NBR1: variants seen among roughly 807,000 people sequenced by gnomAD.
The protein encoded by NBR1 is next to BRCA1 gene 1 protein.
A neutral mutation model predicts 115.5 loss-of-function variants in NBR1; 59 were observed. That is an observed-to-expected ratio of 0.51 (90% confidence interval 0.41 to 0.63). The LOEUF (loss-of-function observed/expected upper bound fraction) is 0.63, where lower values mean the gene tolerates loss of function less well. NBR1 is among the 30% of genes least tolerant of loss of function. The pLI is 0.00. For synonymous variants in NBR1, 373 were observed against 414.7 expected, an observed-to-expected ratio of 0.90 and a Z score of 1.22; for missense variants, 1,043 against 1,150.5, an observed-to-expected ratio of 0.91 and a Z score of 1.35.
chr17:43,196,927 T>C lies in NBR1; in HGVS notation c.1862-15T>C. 1 of 1,613,782 alleles carries C rather than the reference T, an allele frequency of 6.2e-7. No homozygotes were observed. The highest frequency in any genetic ancestry group is 8.5e-7 in the Non-Finnish European group (1 of 1,179,754). The stretch of plus-strand genomic sequence containing the variant: ...TTTAAACACCCAGTGCAGATAAGGT[T>C]CGTGTGTCTTTCAGATTCTATGGTG... On this transcript the variant is annotated splice_polypyrimidine_tract_variant and intron_variant, in intron 15 of 20. Coordinates refer to ENST00000590996, the MANE Select transcript of NBR1 (RefSeq NM_005899.5).
At chr17:43,172,064 A>T (rs2056387188) in intron 1 of NBR1, among the ~76,000 whole-genome samples, 1 of 152,194 alleles carries the variant, frequency 6.6e-6, no homozygotes, top group South Asian at 2.1e-4. Flanking sequence ...GCTGAAAAAA[A>T]AATCGACGTG....
chr17:43,193,979 C>T (rs932330595), intron 12 of NBR1, among the ~76,000 whole-genome samples: 10 of 152,168 alleles, frequency 6.6e-5, no homozygotes, highest in Admixed American at 4.6e-4. Context: ...ATCCATCTCT[C>T]CTGAAATACC....
At chr17:43,201,431 G>A (rs545993919) in intron 17 of NBR1, among the ~76,000 whole-genome samples, 12 of 152,302 alleles carry the variant, frequency 7.9e-5, no homozygotes, top group South Asian at 2.1e-4. Flanking sequence ...AGACATTTCC[G>A]TTTATTGACA....
intron 1 of NBR1, among the ~76,000 whole-genome samples, 160 bp from the exon 2 acceptor site, chr17:43,175,631 T>G (rs2271574): frequency 6.7e-6 from 1 of 149,934 alleles, no homozygotes; most frequent in Non-Finnish European, 1.5e-5. Context: ...ATGGTAAGTT[T>G]CGTAAGAACA....
chr17:43,200,669 G>C, intron 17 of NBR1, 61 bp downstream of exon 17: 1 of 1,455,826 alleles, frequency 6.9e-7, no homozygotes, highest in Admixed American at 2.2e-5. Flanking sequence ...GAGAGGAATC[G>C]ACCTGATCTC....
chr17:43,178,795 G>A (rs545226482), intron 3 of NBR1, among the ~76,000 whole-genome samples: 1 of 146,652 alleles, frequency 6.8e-6, no homozygotes, highest in South Asian at 2.2e-4. Context: ...TTTAAAGAGG[G>A]TCTCACTCTG....
chr17:43,202,539 AGAC>A, intron 18 of NBR1, 113 bp from the exon 19 acceptor site: 1 of 615,046 alleles, frequency 1.6e-6, no homozygotes, highest in Non-Finnish European at 2.7e-6. Context: ...AAAAAAAAAA[AGAC>A]TTCAAACACT....
At chr17:43,180,842 T>A (rs1443201161) in intron 5 of NBR1, 25 bp downstream of exon 5, 2 of 1,394,628 alleles carry the variant, frequency 1.4e-6, no homozygotes, top group South Asian at 1.5e-5. Flanking sequence ...ATCTCATTTT[T>A]AAATAATTTA....
chr17:43,204,923 C>G (rs1265142461), intron 20 of NBR1, among the ~76,000 whole-genome samples: 1 of 151,764 alleles, frequency 6.6e-6, no homozygotes, highest in Admixed American at 6.6e-5. Flanking sequence ...CCGTAGTGAG[C>G]CACAATGGAG....
rs1340652318 is a variant in NBR1, at chr17:43,197,120, C to T, written c.2026+14C>T. The stretch of plus-strand genomic sequence containing the variant: ...AGTCCTTGCAGAGTGAGTGTCCTTG[C>T]ATTTCCCCTACCTAGCAGGGTGGCA... On this transcript the variant is annotated intron_variant, in intron 16 of 20. Transcript: ENST00000590996. 7 of 1,612,640 alleles carry T rather than the reference C, an allele frequency of 4.3e-6. No individual in the cohort carries two copies. The highest frequency in any genetic ancestry group is 5.9e-6 in the Non-Finnish European group (7 of 1,179,232).
At chr17:43,189,990 G>C in intron 8 of NBR1, 188 bp downstream of exon 8, 1 of 597,542 alleles carries the variant, frequency 1.7e-6, no homozygotes, top group Non-Finnish European at 2.9e-6. Flanking sequence ...TCAGATTGTT[G>C]TGTTCAAATG....
intron 5 of NBR1, among the ~76,000 whole-genome samples, chr17:43,181,173 A>G (rs2056654511): frequency 6.6e-6 from 1 of 152,200 alleles, no homozygotes; most frequent in South Asian, 2.1e-4. Context: ...CGTCTGGCCT[A>G]AAATATTTAT....
intron 2 of NBR1, 136 bp from the exon 3 acceptor site, chr17:43,177,800 G>C: frequency 1.6e-6 from 1 of 623,764 alleles, no homozygotes; most frequent in Non-Finnish European, 2.4e-6. Flanking sequence ...TGGTACTCTG[G>C]GTGTGTTGCA....
rs1037475980 is a variant in NBR1, at chr17:43,209,557, G to C, written c.2728-344G>C. 4 of 1,533,714 alleles carry C rather than the reference G, an allele frequency of 2.6e-6. No individual in the cohort carries two copies. The East Asian group carries it at 9.8e-5, about 37-fold the overall frequency. The stretch of plus-strand genomic sequence containing the variant: ...ATCACAATTACACTTATGTTCACAG[G>C]GTCTCTGGGGCTTGCTGTCATTCCT... On this transcript the variant is annotated intron_variant, in intron 20 of 20. Transcript: ENST00000590996.
At chr17:43,188,350 C>G (rs1356459282) in intron 6 of NBR1, among the ~76,000 whole-genome samples, 1 of 152,040 alleles carries the variant, frequency 6.6e-6, no homozygotes, top group African/African-American at 2.4e-5. Flanking sequence ...CTTATAGATT[C>G]TGGATATTAG....
intron 20 of NBR1, among the ~76,000 whole-genome samples, chr17:43,208,207 A>G (rs1485804654): frequency 6.6e-6 from 1 of 152,216 alleles, no homozygotes; most frequent in Non-Finnish European, 1.5e-5. Context: ...GGCAGAAGCT[A>G]GGATACATAA....
rs765228853 is a variant in NBR1, at chr17:43,191,558, C to T, written c.1050C>T (p.Ser350=). The change falls in exon 10 of 21, where the codon AGC becomes AGT. Residue 350 remains serine (S), a synonymous_variant. Coordinates refer to ENST00000590996, the MANE Select transcript of NBR1 (RefSeq NM_005899.5). ...AGTCTCCTTTAGGCCGACCTGAGAG[C>T]TTGCTCCAGTCTAATACCCTGATGT... is the stretch of plus-strand genomic sequence containing the variant. ...SPKSPLGRPE[S]LLQSNTLMLP... 2 of 1,612,324 alleles carry T rather than the reference C, an allele frequency of 1.2e-6. No homozygotes were observed. Among genetic ancestry groups the T allele is most frequent in the Admixed American group, 1.7e-5 (1 of 59,752 alleles).
In NBR1 at chr17:43,193,134, A is replaced by C. The variant is rs2056986992; in HGVS notation, c.1114A>C (p.Ser372Arg). Residue 372 changes from serine to arginine, a missense_variant, in exon 11 of 21, where the codon AGT (serine) becomes CGT (arginine). By Grantham distance (110) the Ser-to-Arg change is moderately radical. Coordinates refer to ENST00000590996, the MANE Select transcript of NBR1 (RefSeq NM_005899.5). ...QPCTSVMPML[S>R]AAFVDENLPD... ...CTGTACCTCCGTTATGCCAATGCTC[A>C]GTGCAGCATTTGTGGATGAGAATTT... is the stretch of plus-strand genomic sequence containing the variant. 1 of 1,613,894 alleles carries C rather than the reference A, an allele frequency of 6.2e-7. No individual in the cohort carries two copies. Among genetic ancestry groups the C allele is most frequent in the African/African-American group, 1.3e-5 (1 of 74,914 alleles).
rs1017872489 is a variant in NBR1, at chr17:43,190,027, A to G, written c.695+225A>G. 5 of 561,494 alleles carry G rather than the reference A, an allele frequency of 8.9e-6. No homozygotes were observed. In the Admixed American group the frequency reaches 1.2e-4, roughly 14 times the overall value. 34.8% of individuals were successfully genotyped at this position (561,494 alleles called of 1,614,324 possible). On this transcript the variant is annotated intron_variant, in intron 8 of 20. Coordinates refer to ENST00000590996, the MANE Select transcript of NBR1 (RefSeq NM_005899.5). Reference sequence around the variant, plus strand: ...GCATTTGGATTAGCAAAGCCAGGCAAAATTATGTTCCCCTGAACGGACAAA... The same window carrying G: ...GCATTTGGATTAGCAAAGCCAGGCAGAATTATGTTCCCCTGAACGGACAAA...
Sources: allele counts gnomAD v4.1 joint callset (sites outside exome capture counted in the v4.1 genomes callset), GRCh38; gene constraint gnomAD v4.1.1; transcripts MANE v1.5; gene names NCBI Gene and HGNC (gene_info 2026-07-23, HGNC 2026-07-21).